The following ZC3H12B variants were observed in gnomAD, a reference collection of about 807,000 sequenced individuals.
The protein encoded by ZC3H12B is zinc finger CCCH-type containing 12B, also known as probable ribonuclease ZC3H12B.
A neutral mutation model predicts 43.9 loss-of-function variants in ZC3H12B; 7 were observed. That is an observed-to-expected ratio of 0.16 (90% CI 0.09 to 0.30). ZC3H12B has a LOEUF of 0.30. ZC3H12B is among the 10% of genes least tolerant of loss of function. The pLI is 1.00. For synonymous variants in ZC3H12B, 222 were observed against 241.7 expected (o/e 0.92, Z 0.76); for missense variants, 475 against 670.2 (o/e 0.71, Z 3.22).
intron 3 of ZC3H12B, chrX:65,468,996 C>T (rs7065069): frequency 9.1e-6 from 1 of 109,842 alleles, no homozygotes; most frequent in African/African-American, 3.4e-5. Context: ...TGTAAGAAGG[C>T]ACTCACGAGG....
chrX:65,177,745 C>G, the ZC3H12B span, among the ~76,000 whole-genome samples: 1 of 111,870 alleles, frequency 8.9e-6, no homozygotes, highest in Non-Finnish European at 1.9e-5. Flanking sequence ...TCAAGGAGAA[C>G]TACAAACCAC....
chrX:65,328,049 G>T, the ZC3H12B span: 5 of 267,331 alleles, frequency 1.9e-5, no homozygotes, highest in African/African-American at 5.7e-5. Flanking sequence ...ACTAAACAAA[G>T]TTGCAGAATT....
At chrX:65,050,955 A>G in the ZC3H12B span, among the ~76,000 whole-genome samples, 2 of 111,440 alleles carry the variant, frequency 1.8e-5, 1 homozygote, top group South Asian at 7.4e-4. Flanking sequence ...GTTTAGAAGT[A>G]TGCCTTCCCC....
At chrX:65,158,512 C>T in the ZC3H12B span, among the ~76,000 whole-genome samples, 5 of 112,195 alleles carry the variant, frequency 4.5e-5, no homozygotes, top group African/African-American at 1.6e-4. Flanking sequence ...TTGCATTTCT[C>T]TGATGGCCAG....
At chrX:65,263,232 C>A in the ZC3H12B span, among the ~76,000 whole-genome samples, 2 of 111,198 alleles carry the variant, frequency 1.8e-5, no homozygotes, top group Non-Finnish European at 3.8e-5. Context: ...TGGAGCAATT[C>A]ACAGACTAAC....
chrX:65,193,070 C>T, the ZC3H12B span, among the ~76,000 whole-genome samples: 1 of 109,374 alleles, frequency 9.1e-6, no homozygotes, highest in Non-Finnish European at 1.9e-5. Context: ...CCACCCCTAG[C>T]CTTTTGCATC....
chrX:65,489,120 G>A (rs748873867), exon 1 of ZC3H12B: 87 of 1,211,909 alleles, frequency 7.2e-5, no homozygotes, highest in Non-Finnish European at 9.3e-5. Flanking sequence ...CTTGGAGAAG[G>A]AATACCAAGC....
chrX:65,271,662 T>C, the ZC3H12B span: 1 of 112,266 alleles, frequency 8.9e-6, no homozygotes, highest in African/African-American at 3.2e-5. Context: ...ATCCTTGATT[T>C]TGACTTTACA....
the ZC3H12B span, among the ~76,000 whole-genome samples, chrX:65,285,013 T>G: frequency 9.0e-6 from 1 of 110,783 alleles, no homozygotes; most frequent in Non-Finnish European, 1.9e-5. Flanking sequence ...AATTTACAAA[T>G]TATTGCTATC....
chrX:65,062,822 G>A, the ZC3H12B span, among the ~76,000 whole-genome samples: 22 of 111,345 alleles, frequency 2.0e-4, no homozygotes, highest in Admixed American at 1.6e-3. Flanking sequence ...GTTTGTGTCC[G>A]AGGTCTATTT....
the ZC3H12B span, among the ~76,000 whole-genome samples, chrX:65,079,043 G>T: frequency 9.0e-6 from 1 of 111,425 alleles, no homozygotes; most frequent in Non-Finnish European, 1.9e-5. Context: ...TCAGCCTCTG[G>T]TAACCATCCT....
intron 2 of ZC3H12B, among the ~76,000 whole-genome samples, chrX:65,371,149 AAG>A (rs1329519583): frequency 1.8e-5 from 2 of 111,709 alleles, no homozygotes; most frequent in Non-Finnish European, 3.8e-5. Context: ...CAAAAGGAAA[AAG>A]AAAAAAATGC....
the ZC3H12B span, among the ~76,000 whole-genome samples, chrX:65,077,516 G>A: frequency 8.9e-6 from 1 of 112,026 alleles, no homozygotes; most frequent in Non-Finnish European, 1.9e-5. Flanking sequence ...TCAGGGTTCT[G>A]AAGCTACTTA....
At chrX:65,244,835 CTTA>C in the ZC3H12B span, among the ~76,000 whole-genome samples, 20 of 105,386 alleles carry the variant, frequency 1.9e-4, no homozygotes, top group South Asian at 8.2e-3. Flanking sequence ...GTTTGTAATA[CTTA>C]TTATGTATGT....
At chrX:65,058,340 A>T in the ZC3H12B span, among the ~76,000 whole-genome samples, 1 of 111,530 alleles carries the variant, frequency 9.0e-6, no homozygotes, top group African/African-American at 3.3e-5. Flanking sequence ...CTGGAGATCC[A>T]CTCCAGACCG....
At chrX:65,278,857 A>C in the ZC3H12B span, among the ~76,000 whole-genome samples, 1 of 100,659 alleles carries the variant, frequency 9.9e-6, no homozygotes, top group Non-Finnish European at 2.0e-5. Flanking sequence ...TGTGTTCATA[A>C]GCGCTTATTT....
chrX:65,110,857 A>T, the ZC3H12B span, among the ~76,000 whole-genome samples: 1 of 111,219 alleles, frequency 9.0e-6, no homozygotes, highest in South Asian at 3.7e-4. Context: ...ATTCCAATCC[A>T]TGAATTCATA....
At chrX:65,248,112 G>A in the ZC3H12B span, among the ~76,000 whole-genome samples, 7 of 110,541 alleles carry the variant, frequency 6.3e-5, no homozygotes, top group East Asian at 2.0e-3. Flanking sequence ...GCGTGATCTC[G>A]GCTCACTGCA....
chrX:65,494,003 C>T (rs1286218066), intron 1 of ZC3H12B, among the ~76,000 whole-genome samples: 1 of 110,705 alleles, frequency 9.0e-6, no homozygotes, highest in African/African-American at 3.3e-5. Context: ...TTTGGTGTGC[C>T]TCATGAAATG....
Sources: allele counts gnomAD v4.1 joint callset (sites outside exome capture counted in the v4.1 genomes callset), GRCh38; gene constraint gnomAD v4.1.1; transcripts MANE v1.5; gene names NCBI Gene and HGNC (gene_info 2026-07-23, HGNC 2026-07-21).